PIP5K1B: variants seen among roughly 807,000 people sequenced by gnomAD.
PIP5K1B encodes phosphatidylinositol 4-phosphate 5-kinase type-1 beta.
In PIP5K1B, 42 loss-of-function variants were observed where a neutral mutation model predicts 67.0. The ratio of observed to expected loss-of-function variants is 0.63; its 90% confidence interval spans 0.49 to 0.81. The LOEUF is 0.81. Ranked by LOEUF, PIP5K1B falls within the 30% of genes least tolerant of loss-of-function variation. The pLI is 0.00. For synonymous variants in PIP5K1B, 214 were observed against 231.4 expected (o/e 0.92, Z 0.68); for missense variants, 459 against 646.3 (o/e 0.71, Z 3.14).
chr9:68,966,970 G>A (rs1221404334), intron 14 of PIP5K1B, among the ~76,000 whole-genome samples: 1 of 152,010 alleles, frequency 6.6e-6, no homozygotes, highest in Admixed American at 6.6e-5. Context: ...TTTGCAGCTG[G>A]GTTTAACTAT....
At chr9:68,772,669 C>T (rs918494385) in intron 2 of PIP5K1B, among the ~76,000 whole-genome samples, 3 of 152,164 alleles carry the variant, frequency 2.0e-5, no homozygotes, top group African/African-American at 7.2e-5. Flanking sequence ...AATTATTCTA[C>T]TCAGAAACTA....
chr9:68,893,587 C>A (rs935827875), intron 7 of PIP5K1B, among the ~76,000 whole-genome samples: 1 of 152,124 alleles, frequency 6.6e-6, no homozygotes, highest in African/African-American at 2.4e-5. Flanking sequence ...CCGCCTTGGC[C>A]TCCCAAAGTG....
chr9:68,754,324 C>T (rs1475885439), intron 2 of PIP5K1B, among the ~76,000 whole-genome samples: 3 of 151,828 alleles, frequency 2.0e-5, no homozygotes, highest in African/African-American at 7.3e-5. Flanking sequence ...CGCCCGCCAC[C>T]ATGCCTGACT....
intron 2 of PIP5K1B, among the ~76,000 whole-genome samples, chr9:68,779,269 C>T (rs945074357): frequency 3.3e-5 from 5 of 152,182 alleles, no homozygotes; most frequent in African/African-American, 1.2e-4. Context: ...TTTAATCCTT[C>T]ATACTTCACA....
chr9:68,946,784 T>C (rs1389771457), intron 14 of PIP5K1B, among the ~76,000 whole-genome samples: 14 of 152,158 alleles, frequency 9.2e-5, no homozygotes. Context: ...GTAAAGATGC[T>C]CATGCGTCTT....
intron 4 of PIP5K1B, among the ~76,000 whole-genome samples, chr9:68,827,929 T>C (rs576939424): frequency 1.3e-5 from 2 of 152,296 alleles, no homozygotes; most frequent in Admixed American, 1.3e-4. Context: ...TTGTCTGTTT[T>C]ATATGTGAAG....
chr9:68,864,696 G>A (rs1408355121), intron 5 of PIP5K1B, among the ~76,000 whole-genome samples: 3 of 152,090 alleles, frequency 2.0e-5, no homozygotes, highest in Admixed American at 6.5e-5. Flanking sequence ...CTATTACTAC[G>A]TTCATTTAGG....
chr9:68,872,810 C>T (rs754715750), intron 5 of PIP5K1B, among the ~76,000 whole-genome samples: 6 of 152,208 alleles, frequency 3.9e-5, no homozygotes, highest in Non-Finnish European at 7.3e-5. Context: ...CATGTCAGTA[C>T]ATAATAAGCA....
chr9:68,946,039 C>T (rs546090905), intron 14 of PIP5K1B, among the ~76,000 whole-genome samples: 7 of 152,302 alleles, frequency 4.6e-5, no homozygotes, highest in Non-Finnish European at 8.8e-5. Context: ...TTCCAACTCT[C>T]CAGGTGGACT....
At chr9:68,898,961 C>A (rs1825228483) in intron 8 of PIP5K1B, among the ~76,000 whole-genome samples, 1 of 152,232 alleles carries the variant, frequency 6.6e-6, no homozygotes, top group South Asian at 2.1e-4. Flanking sequence ...GCCAAGGTTC[C>A]CCACTGCTTT....
chr9:68,894,311 A>C, intron 7 of PIP5K1B, 28 bp from the exon 8 acceptor site: 1 of 1,408,276 alleles, frequency 7.1e-7, no homozygotes, highest in Non-Finnish European at 9.9e-7. Flanking sequence ...GAAGATTGTA[A>C]ATATATTTTT....
intron 2 of PIP5K1B, among the ~76,000 whole-genome samples, chr9:68,746,172 G>A (rs770765552): frequency 6.1e-5 from 9 of 147,698 alleles, no homozygotes; most frequent in Non-Finnish European, 1.0e-4. Flanking sequence ...TCCACCTCCC[G>A]GGTTCATGCT....
chr9:68,712,173 A>G (rs1323402023), intron 1 of PIP5K1B, among the ~76,000 whole-genome samples: 2 of 152,060 alleles, frequency 1.3e-5, no homozygotes, highest in Non-Finnish European at 2.9e-5. Context: ...TTTACATGAG[A>G]TCTGGTTGTT....
chr9:68,733,701 G>A (rs555715413), intron 1 of PIP5K1B, among the ~76,000 whole-genome samples: 26 of 126,622 alleles, frequency 2.1e-4, no homozygotes, highest in East Asian at 7.2e-4. Context: ...GTGCAGTGGC[G>A]TGATCTCAGC....
chr9:68,925,803 T>TTTTTC (rs1353783336), intron 12 of PIP5K1B, among the ~76,000 whole-genome samples: 2 of 128,826 alleles, frequency 1.6e-5, no homozygotes, highest in Non-Finnish European at 1.6e-5. Context: ...CAATTTTTTT[T>TTTTTC]TTTTTTTTTT....
chr9:68,780,254 G>A (rs1321282378), intron 2 of PIP5K1B: 11 of 1,546,534 alleles, frequency 7.1e-6, no homozygotes, highest in African/African-American at 1.4e-5. Context: ...GCGGCGGCGG[G>A]GGCCTCAGGA....
chr9:68,791,699 A>G (rs1183935100), intron 2 of PIP5K1B, among the ~76,000 whole-genome samples: 1 of 152,180 alleles, frequency 6.6e-6, no homozygotes, highest in Non-Finnish European at 1.5e-5. Flanking sequence ...TAAATTTCAT[A>G]CCTTTTCTAT....
intron 4 of PIP5K1B, among the ~76,000 whole-genome samples, chr9:68,845,217 G>A (rs1042711774): frequency 2.0e-5 from 3 of 152,316 alleles, no homozygotes; most frequent in Admixed American, 2.0e-4. Context: ...AACTGATTGT[G>A]CTGCGTGTTG....
At chr9:68,865,896 A>G (rs1192497248) in intron 5 of PIP5K1B, among the ~76,000 whole-genome samples, 1 of 152,236 alleles carries the variant, frequency 6.6e-6, no homozygotes, top group African/African-American at 2.4e-5. Context: ...GAGAGAGAGA[A>G]TCTTTCTGGT....
Sources: gnomAD v4.1 joint callset for allele counts (sites outside exome capture counted in the v4.1 genomes callset) on GRCh38, gnomAD v4.1.1 for gene constraint, MANE v1.5 for transcripts, NCBI Gene and HGNC (gene_info 2026-07-23, HGNC 2026-07-21) for gene names.